DPY19L1: variants seen among roughly 807,000 people sequenced by gnomAD.
DPY19L1 encodes the protein dpy-19 like C-mannosyltransferase 1.
A neutral mutation model predicts 96.9 loss-of-function variants in DPY19L1; 35 were observed. The ratio of observed to expected loss-of-function variants is 0.36; its 90% CI spans 0.28 to 0.48. The LOEUF (loss-of-function observed/expected upper bound fraction) is 0.48, where lower values mean the gene tolerates loss of function less well. Among genes scored for constraint, DPY19L1 ranks in the 20% least tolerant of loss-of-function variants. The pLI is 0.99. For synonymous variants in DPY19L1, 205 were observed against 252.6 expected, an observed-to-expected ratio of 0.81 and a Z score of 1.79; for missense variants, 521 against 777.9, an observed-to-expected ratio of 0.67 and a Z score of 3.93.
At chr7:34,932,145 T>C (rs13241541) in intron 21 of DPY19L1, among the ~76,000 whole-genome samples, 1,860 of 152,308 alleles carry the variant, frequency 0.012, 18 homozygotes, top group South Asian at 0.068. Context: ...TCTAGCACCA[T>C]TCACACAGAA....
chr7:35,036,388 C>T (rs2128685439), intron 1 of DPY19L1, among the ~76,000 whole-genome samples: 1 of 151,748 alleles, frequency 6.6e-6, no homozygotes, highest in East Asian at 1.9e-4. Context: ...GAAGTCAGTC[C>T]GAAACATACG....
At chr7:34,981,618 C>G (rs140911884) in intron 7 of DPY19L1, among the ~76,000 whole-genome samples, 18 of 152,294 alleles carry the variant, frequency 1.2e-4, no homozygotes, top group African/African-American at 3.6e-4. Flanking sequence ...TAATGCAAAG[C>G]AAAGGACACA....
chr7:34,954,276 T>C (rs1041954042), intron 13 of DPY19L1, among the ~76,000 whole-genome samples: 2 of 152,094 alleles, frequency 1.3e-5, no homozygotes, highest in African/African-American at 4.8e-5. Flanking sequence ...ACATTATCTA[T>C]AAAGGCTTAT....
chr7:34,929,683 TG>T lies in DPY19L1; in HGVS notation c.*1889del, dbSNP rs1191434837. Reference sequence around the variant, plus strand: ...GCGCGCACCTCCCTCTCCCTGCTCATGTCAACTCCCATCCTCAGCCTCAAGT... The same window carrying T: ...GCGCGCACCTCCCTCTCCCTGCTCATTCAACTCCCATCCTCAGCCTCAAGT... On this transcript the variant is annotated 3_prime_UTR_variant, in exon 22 of 22. Transcript: ENST00000638088. 1 of 152,240 alleles carries T rather than the reference TG, an allele frequency of 6.6e-6. No homozygotes were observed. The highest frequency in any genetic ancestry group is 2.4e-5 in the African/African-American group (1 of 41,460). 9.4% of individuals were successfully genotyped at this position (152,240 alleles called of 1,614,324 possible). A position where few individuals can be genotyped will look rare whatever the true frequency, so the allele number is the denominator to read the frequency against.
intron 19 of DPY19L1, 45 bp from the exon 20 acceptor site, chr7:34,939,420 G>T: frequency 6.5e-6 from 10 of 1,531,254 alleles, no homozygotes; most frequent in Non-Finnish European, 9.0e-6. Flanking sequence ...CAGTGAAGGC[G>T]AGAAGGTGTC....
intron 8 of DPY19L1, among the ~76,000 whole-genome samples, chr7:34,970,337 C>T (rs1199988982): frequency 2.6e-5 from 4 of 152,142 alleles, no homozygotes; most frequent in Admixed American, 6.5e-5. Context: ...CAAAGGACAT[C>T]CCTCTCTGCT....
intron 13 of DPY19L1, 107 bp downstream of exon 13, chr7:34,954,591 C>T (rs1584214589): frequency 1.6e-6 from 1 of 621,976 alleles, no homozygotes; most frequent in Non-Finnish European, 2.8e-6. Flanking sequence ...GGTGAACAGA[C>T]TTCATCCTAG....
At chr7:35,029,657 T>G (rs891388165) in intron 1 of DPY19L1, among the ~76,000 whole-genome samples, 18 of 152,300 alleles carry the variant, frequency 1.2e-4, no homozygotes, top group Middle Eastern at 3.4e-3. Context: ...ACAAAAAAAT[T>G]CAATTAAATA....
At chr7:35,036,015 G>C (rs1259739701) in intron 1 of DPY19L1, among the ~76,000 whole-genome samples, 1 of 152,108 alleles carries the variant, frequency 6.6e-6, no homozygotes. Context: ...GGGAAAAAAA[G>C]TACCCTAGGA....
chr7:34,941,401 G>T (rs1459098245), intron 18 of DPY19L1, among the ~76,000 whole-genome samples: 1 of 152,044 alleles, frequency 6.6e-6, no homozygotes, highest in African/African-American at 2.4e-5. Flanking sequence ...ACTAAAAAAA[G>T]AACATATAAT....
intron 7 of DPY19L1, among the ~76,000 whole-genome samples, chr7:34,985,945 T>C (rs1451428236): frequency 1.3e-5 from 2 of 152,050 alleles, no homozygotes; most frequent in Non-Finnish European, 2.9e-5. Context: ...AAATTTGCTA[T>C]ACATACACAA....
intron 13 of DPY19L1, among the ~76,000 whole-genome samples, chr7:34,952,632 A>T (rs906116325): frequency 6.6e-6 from 1 of 152,162 alleles, no homozygotes; most frequent in Non-Finnish European, 1.5e-5. Flanking sequence ...AAAACACCTT[A>T]AAAATATTAG....
At chr7:35,008,009 T>C (rs980301622) in intron 6 of DPY19L1, among the ~76,000 whole-genome samples, 9 of 152,094 alleles carry the variant, frequency 5.9e-5, no homozygotes, top group African/African-American at 1.9e-4. Flanking sequence ...CTGAAGAACA[T>C]GCATCCCAGC....
intron 6 of DPY19L1, among the ~76,000 whole-genome samples, chr7:35,010,256 A>G (rs989211826): frequency 1.3e-5 from 2 of 152,100 alleles, no homozygotes; most frequent in African/African-American, 4.8e-5. Flanking sequence ...AAATTTATCA[A>G]GTATTCCCAA....
intron 4 of DPY19L1, 105 bp from the exon 5 acceptor site, chr7:35,011,555 T>C (rs1785712637): frequency 9.2e-7 from 1 of 1,091,916 alleles, no homozygotes; most frequent in South Asian, 1.7e-5. Context: ...TCCCTTTCCA[T>C]ACCATCCACT....
chr7:34,945,503 C>G (rs1214095627), intron 16 of DPY19L1, among the ~76,000 whole-genome samples, 164 bp downstream of exon 16: 1 of 151,972 alleles, frequency 6.6e-6, no homozygotes. Context: ...GTGTTCTGCA[C>G]AGATAGGAAA....
chr7:35,013,757 G>T, intron 3 of DPY19L1, 52 bp from the exon 4 acceptor site: 1 of 1,420,182 alleles, frequency 7.0e-7, no homozygotes, highest in Non-Finnish European at 9.6e-7. Flanking sequence ...TAATTATGAT[G>T]CCACTTCTAA....
At chr7:34,953,755 G>C (rs1422817102) in intron 13 of DPY19L1, among the ~76,000 whole-genome samples, 3 of 152,108 alleles carry the variant, frequency 2.0e-5, no homozygotes, top group Admixed American at 6.5e-5. Flanking sequence ...TAGTTTTATA[G>C]TTTTAAAAAT....
intron 6 of DPY19L1, among the ~76,000 whole-genome samples, chr7:35,007,432 C>A (rs964955959): frequency 5.3e-5 from 8 of 152,250 alleles, no homozygotes; most frequent in Non-Finnish European, 1.0e-4. Flanking sequence ...CAAGCTATAG[C>A]CACTGACATT....
Sources: allele counts gnomAD v4.1 joint callset (sites outside exome capture counted in the v4.1 genomes callset), GRCh38; gene constraint gnomAD v4.1.1; transcripts MANE v1.5; gene names NCBI Gene and HGNC (gene_info 2026-07-23, HGNC 2026-07-21).